SIDT1: variants seen among roughly 807,000 people sequenced by gnomAD.
SIDT1 encodes the protein SID1 transmembrane family member 1, also known as SID1 transmembrane family, member 1.
SIDT1 carries 101 observed loss-of-function variants against 107.5 expected under a neutral mutation model. The observed-to-expected ratio is 0.94, with a 90% CI of 0.80 to 1.11. The LOEUF (loss-of-function observed/expected upper bound fraction) is 1.11, where lower values mean the gene tolerates loss of function less well. Ranked by LOEUF, SIDT1 falls within the 50% of genes least tolerant of loss-of-function variation. The probability of loss-of-function intolerance (pLI) is 0.00; values close to 1 mark genes in which losing one functional copy is unlikely to be tolerated. For missense variants in SIDT1, 1,076 were observed against 1,058.2 expected (o/e 1.02, Z -0.23); for synonymous variants, 395 against 398.2 (o/e 0.99, Z 0.10).
At position 113,549,736 on chromosome 3, in the gene SIDT1, ATT is replaced by A. The variant is rs1025283021; in HGVS notation, c.222+16497_222+16498del. Among the ~76,000 whole-genome samples, 84 of 152,234 alleles carry A rather than the reference ATT, an allele frequency of 5.5e-4. 1 individual carries two copies. Among genetic ancestry groups the A allele is most frequent in the African/African-American group, 1.9e-3 (77 of 41,544 alleles). On this transcript the variant is annotated intron_variant, in intron 1 of 24. Transcript: ENST00000264852. ...TAGTAGTATCTTACACAGATCAGATATTTTTATTTTAATAAACAATCATATTA... is the reference window on the plus strand; with the variant it reads ...TAGTAGTATCTTACACAGATCAGATATTTATTTTAATAAACAATCATATTA...
At chr3:113,606,050 A>G (rs1945308900) in intron 14 of SIDT1, among the ~76,000 whole-genome samples, 1 of 143,496 alleles carries the variant, frequency 7.0e-6, no homozygotes, top group African/African-American at 3.0e-5. Context: ...GCTTCATGAA[A>G]CTAACAAAAT....
chr3:113,585,510 A>AAC (rs1943679385), intron 9 of SIDT1, among the ~76,000 whole-genome samples: 1 of 152,166 alleles, frequency 6.6e-6, no homozygotes, highest in Non-Finnish European at 1.5e-5. Context: ...TTATATCAAT[A>AAC]ACACACACAT....
intron 8 of SIDT1, 129 bp downstream of exon 8, chr3:113,584,898 T>A: frequency 1.4e-6 from 1 of 723,540 alleles, no homozygotes; most frequent in East Asian, 2.7e-5. Flanking sequence ...ACCTTAGAAA[T>A]AGAAAAGGGA....
rs1943330090 is a variant in SIDT1, at chr3:113,581,418, A to C, written c.721A>C (p.Thr241Pro). 1 of 1,613,938 alleles carries C rather than the reference A, an allele frequency of 6.2e-7. No homozygotes were observed. The highest frequency in any genetic ancestry group is 1.1e-5 in the South Asian group (1 of 91,082). Residue 241 changes from threonine to proline, a missense_variant, in exon 6 of 25, where the codon ACC becomes CCC. Thr to Pro is a conservative substitution (Grantham distance 38, BLOSUM62 -1). Coordinates refer to ENST00000264852, the MANE Select transcript of SIDT1 (RefSeq NM_017699.3). ...VEFNGVYQSMTKKAAITLQKK... is the reference protein window; with the variant it reads ...VEFNGVYQSMPKKAAITLQKK... ...ATTTAATGGTGTCTATCAGTCCATG[A>C]CCAAGAAAGCTGCCATCACGCTACA...
chr3:113,596,463 TGAA>T (rs1201166024), intron 10 of SIDT1, among the ~76,000 whole-genome samples: 15 of 152,312 alleles, frequency 9.8e-5, no homozygotes, highest in East Asian at 3.9e-4. Flanking sequence ...CTTCATGGGA[TGAA>T]GAAGAAGATT....
At chr3:113,551,977 T>G (rs1331172278) in intron 1 of SIDT1, among the ~76,000 whole-genome samples, 1 of 152,066 alleles carries the variant, frequency 6.6e-6, no homozygotes, top group East Asian at 1.9e-4. Context: ...TGAGAACTGG[T>G]ATTTCTGGGT....
At chr3:113,562,771 A>G (rs1255693147) in intron 1 of SIDT1, among the ~76,000 whole-genome samples, 1 of 152,278 alleles carries the variant, frequency 6.6e-6, no homozygotes, top group Non-Finnish European at 1.5e-5. Flanking sequence ...TATTAGAATT[A>G]GACATTGGTG....
At chr3:113,541,872 A>C (rs1358955472) in intron 1 of SIDT1, among the ~76,000 whole-genome samples, 1 of 150,856 alleles carries the variant, frequency 6.6e-6, no homozygotes, top group Non-Finnish European at 1.5e-5. Flanking sequence ...TTTTCTTTAA[A>C]ATCCAGTAGT....
chr3:113,595,230 T>C lies in SIDT1; in HGVS notation c.1045+2182T>C, dbSNP rs144982443. Reference sequence around the variant, plus strand: ...CTTATAGGATGTTTAATAGCATCCTTCACTTCCGTGCACTAGATTCTAGGA... The same window carrying C: ...CTTATAGGATGTTTAATAGCATCCTCCACTTCCGTGCACTAGATTCTAGGA... On this transcript the variant is annotated intron_variant, in intron 10 of 24. Transcript: ENST00000264852. Among the ~76,000 whole-genome samples, 207 of 152,270 alleles carry C rather than the reference T, an allele frequency of 1.4e-3. 1 individual carries two copies. Among genetic ancestry groups the C allele is most frequent in the African/African-American group, 4.5e-3 (186 of 41,564 alleles).
Position 113,583,546 on chromosome 3 carries a change from G to C in SIDT1, c.835+50G>C, listed in dbSNP as rs201081564. On this transcript the variant is annotated intron_variant, in intron 7 of 24. Coordinates refer to ENST00000264852, the MANE Select transcript of SIDT1 (RefSeq NM_017699.3). Reference sequence around the variant, plus strand: ...GCTGCTTAGCAAAACCTGAAGGAAGGGAGTGAAAGGGAAGCTGAAACCTCC... The same window carrying C: ...GCTGCTTAGCAAAACCTGAAGGAAGCGAGTGAAAGGGAAGCTGAAACCTCC... 7 of 1,375,230 alleles carry C rather than the reference G, an allele frequency of 5.1e-6. No individual in the cohort carries two copies. The Admixed American group carries it at 7.1e-5, about 14-fold the overall frequency. The allele number at this position is 1,375,230 out of a possible 1,614,324, so 85.2% of individuals were successfully genotyped here. A position where few individuals can be genotyped will look rare whatever the true frequency, so the allele number is the denominator to read the frequency against.
intron 10 of SIDT1, among the ~76,000 whole-genome samples, chr3:113,601,099 A>T (rs1193614453): frequency 6.6e-6 from 1 of 152,242 alleles, no homozygotes; most frequent in South Asian, 2.1e-4. Flanking sequence ...AGTCCTTATA[A>T]TTAAAGTTTA....
chr3:113,560,767 A>C (rs1941357057), intron 1 of SIDT1, among the ~76,000 whole-genome samples: 1 of 152,204 alleles, frequency 6.6e-6, no homozygotes, highest in South Asian at 2.1e-4. Context: ...TTTAGCAAAA[A>C]TAAACTAGAT....
rs149973674 is a variant in SIDT1, at chr3:113,601,023, G to A, written c.1046-565G>A. On this transcript the variant is annotated intron_variant, in intron 10 of 24. Coordinates refer to ENST00000264852, the MANE Select transcript of SIDT1 (RefSeq NM_017699.3). ...CGTTAGCCAGAAGCCTTGCTGTCCA[G>A]CTGAGCCAGCTCTTGGCTAAACCAC... Among the ~76,000 whole-genome samples, 400 of 152,332 alleles carry A rather than the reference G, an allele frequency of 2.6e-3. 2 individuals carry two copies. The highest frequency in any genetic ancestry group is 9.3e-3 in the African/African-American group (387 of 41,570).
chr3:113,612,932 C>T (rs1353596696), intron 19 of SIDT1, among the ~76,000 whole-genome samples: 3 of 152,050 alleles, frequency 2.0e-5, no homozygotes, highest in Non-Finnish European at 4.4e-5. Flanking sequence ...CAAATAAAAG[C>T]CTGCATAGCT....
chr3:113,557,628 G>T (rs1251668635), intron 1 of SIDT1, among the ~76,000 whole-genome samples: 1 of 152,158 alleles, frequency 6.6e-6, no homozygotes, highest in Non-Finnish European at 1.5e-5. Context: ...CCACCAGAAG[G>T]CAGGAAGAGG....
At chr3:113,600,147 T>C (rs1157013270) in intron 10 of SIDT1, among the ~76,000 whole-genome samples, 1 of 151,864 alleles carries the variant, frequency 6.6e-6, no homozygotes, top group Non-Finnish European at 1.5e-5. Flanking sequence ...CTGTCTCTAC[T>C]AAAAATACAA....
At chr3:113,612,947 T>C (rs1009156713) in intron 19 of SIDT1, among the ~76,000 whole-genome samples, 2 of 152,150 alleles carry the variant, frequency 1.3e-5, no homozygotes, top group African/African-American at 2.4e-5. Flanking sequence ...ATAGCTTATG[T>C]GTAAGAACAT....
chr3:113,626,161 T>A lies in SIDT1; in HGVS notation c.2367T>A (p.Asp789Glu), dbSNP rs780769221. 6.2e-7 allele frequency: 1 copy of A among 1,614,178 alleles called. No homozygotes were observed. Among genetic ancestry groups the A allele is most frequent in the Admixed American group, 1.7e-5 (1 of 60,026 alleles). The change falls in exon 24 of 25, where the codon GAT (aspartate) becomes GAA (glutamate). Residue 789 changes from aspartate (D) to glutamate (E), a missense_variant. Asp to Glu is a conservative substitution (Grantham distance 45). Coordinates refer to ENST00000264852, the MANE Select transcript of SIDT1 (RefSeq NM_017699.3). ...AGTGCATTCTGCTGGATTTCTTCGA[T>A]GACCATGACATCTGGCACTTCCTCT... is the stretch of plus-strand genomic sequence containing the variant. Reference protein sequence around the residue: ...NRECILLDFFDDHDIWHFLSA... With the variant: ...NRECILLDFFEDHDIWHFLSA...
intron 9 of SIDT1, 30 bp from the exon 10 acceptor site, chr3:113,592,975 T>C: frequency 6.3e-7 from 1 of 1,577,476 alleles, no homozygotes; most frequent in South Asian, 1.1e-5. Context: ...TTTCACTGTC[T>C]TAGGAGCATG....
Sources: gnomAD v4.1 joint callset for allele counts (sites outside exome capture counted in the v4.1 genomes callset) on GRCh38, gnomAD v4.1.1 for gene constraint, MANE v1.5 for transcripts, NCBI Gene and HGNC (gene_info 2026-07-23, HGNC 2026-07-21) for gene names.